Variants in BCAS3 observed in about 807,000 individuals in gnomAD.
The protein encoded by BCAS3 is BCAS3 microtubule associated cell migration factor.
A neutral mutation model predicts 116.1 loss-of-function variants in BCAS3; 53 were observed. That is an observed-to-expected ratio of 0.46 (90% CI 0.37 to 0.57). The LOEUF (loss-of-function observed/expected upper bound fraction) is 0.57. BCAS3 is among the 20% of genes least tolerant of loss of function. BCAS3 has a pLI of 0.00. For missense variants in BCAS3, 917 were observed against 1,165.4 expected (o/e 0.79, Z 3.10); for synonymous variants, 391 against 408.2 (o/e 0.96, Z 0.51).
Position 61,078,329 on chromosome 17 carries a change from C to T in BCAS3, c.2131-4C>T, listed in dbSNP as rs760424408. 12 of 1,609,524 alleles carry T rather than the reference C, an allele frequency of 7.5e-6. No individual in the cohort carries two copies. Among genetic ancestry groups the T allele is most frequent in the Non-Finnish European group, 1.0e-5 (12 of 1,177,600 alleles). ...TTTAAATCATCATTGCTACTCCATT[C>T]CAGGTTGAAATTGTAACACACACTG... On this transcript the variant is annotated splice_polypyrimidine_tract_variant and splice_region_variant and intron_variant, in intron 20 of 23. Transcript: ENST00000407086.
intron 22 of BCAS3, among the ~76,000 whole-genome samples, chr17:61,329,343 A>ATTATTTTTTTTTT (rs1555831750): frequency 1.5e-5 from 2 of 131,280 alleles, no homozygotes; most frequent in African/African-American, 5.9e-5. Flanking sequence ...TATTATTATT[A>ATTATTTTTTTTTT]TTTTTTTTTT....
At chr17:60,889,890 A>C (rs1329703658) in intron 10 of BCAS3, 119 bp downstream of exon 10, 5 of 920,622 alleles carry the variant, frequency 5.4e-6, no homozygotes, top group Admixed American at 2.6e-5. Context: ...TTACTAGTTC[A>C]TTTGCTTTGG....
chr17:61,184,205 A>T (rs2079635045), intron 22 of BCAS3, among the ~76,000 whole-genome samples: 1 of 152,152 alleles, frequency 6.6e-6, no homozygotes, highest in South Asian at 2.1e-4. Context: ...GTTCATAGTG[A>T]CTTCCTAAGT....
intron 5 of BCAS3, among the ~76,000 whole-genome samples, chr17:60,721,208 A>T (rs1169899621): frequency 1.3e-5 from 2 of 152,112 alleles, no homozygotes; most frequent in Non-Finnish European, 2.9e-5. Context: ...TACACTGGCA[A>T]GCAGAGAGAG....
chr17:60,860,795 G>T (rs1453461989), intron 7 of BCAS3, among the ~76,000 whole-genome samples: 1 of 152,122 alleles, frequency 6.6e-6, no homozygotes. Flanking sequence ...AGATTAGATG[G>T]TTGTAGGTGT....
At chr17:61,169,422 T>A (rs902838817) in intron 22 of BCAS3, among the ~76,000 whole-genome samples, 1 of 152,208 alleles carries the variant, frequency 6.6e-6, no homozygotes, top group Non-Finnish European at 1.5e-5. Context: ...ATAGGATTCT[T>A]TTTCCTTTTC....
At chr17:61,270,554 C>G (rs900569043) in intron 22 of BCAS3, among the ~76,000 whole-genome samples, 7 of 152,148 alleles carry the variant, frequency 4.6e-5, no homozygotes, top group African/African-American at 1.7e-4. Flanking sequence ...GCTGCCTTTT[C>G]ACACTGTTGT....
chr17:60,978,830 T>C (rs2062598574), intron 14 of BCAS3, among the ~76,000 whole-genome samples: 1 of 142,370 alleles, frequency 7.0e-6, no homozygotes, highest in Non-Finnish European at 1.5e-5. Context: ...CGGCGTTATT[T>C]CTGAGGGCTC....
intron 13 of BCAS3, among the ~76,000 whole-genome samples, chr17:60,926,614 C>T (rs1333952934): frequency 6.6e-6 from 1 of 152,048 alleles, no homozygotes; most frequent in Non-Finnish European, 1.5e-5. Flanking sequence ...GAAAAAACAG[C>T]CTGGAAGTTA....
chr17:61,163,309 A>G (rs1003974542), intron 22 of BCAS3, among the ~76,000 whole-genome samples: 1 of 87,990 alleles, frequency 1.1e-5, no homozygotes, highest in Non-Finnish European at 3.3e-5. Context: ...CTGTAGTCCC[A>G]GCTACTGGGG....
At chr17:60,873,173 A>C (rs1417588954) in intron 8 of BCAS3, among the ~76,000 whole-genome samples, 5 of 152,274 alleles carry the variant, frequency 3.3e-5, no homozygotes, top group African/African-American at 1.2e-4. Flanking sequence ...TTCAGAGTAC[A>C]CATACACATA....
intron 4 of BCAS3, among the ~76,000 whole-genome samples, chr17:60,707,046 C>T (rs1269562389): frequency 6.6e-6 from 1 of 151,498 alleles, no homozygotes. Flanking sequence ...GGCTGGAGTG[C>T]AATGGCTTGA....
chr17:60,752,665 C>T (rs1157081537), intron 6 of BCAS3, among the ~76,000 whole-genome samples: 2 of 151,900 alleles, frequency 1.3e-5, no homozygotes, highest in African/African-American at 2.4e-5. Flanking sequence ...CTGCGTGATC[C>T]GCCTGCCTCG....
At chr17:60,916,734 C>G (rs1168120806) in intron 12 of BCAS3, among the ~76,000 whole-genome samples, 1 of 152,040 alleles carries the variant, frequency 6.6e-6, no homozygotes, top group Non-Finnish European at 1.5e-5. Context: ...ATTTATGCTA[C>G]AGTGGACACA....
rs1452731731 is a variant in BCAS3 at position 61,309,734 on chromosome 17, G to A, written c.2426-58593G>A. On this transcript the variant is annotated intron_variant, in intron 22 of 23. Transcript: ENST00000407086. This position sits in a 1 kb window ranked among gnomAD's most constrained non-coding sequence, Gnocchi z 4.6. ...GGGTCTTTGGGATTGCGGAACAGCT[G>A]CTGTGGAAAAGTAGTGGCCTGTTTA... 6.6e-6 allele frequency among the ~76,000 whole-genome samples: 1 copy of A among 152,174 alleles called. No homozygotes were observed. Among genetic ancestry groups the A allele is most frequent in the Admixed American group, 6.5e-5 (1 of 15,282 alleles).
At chr17:60,972,969 G>T (rs1475826395) in intron 14 of BCAS3, among the ~76,000 whole-genome samples, 1 of 152,042 alleles carries the variant, frequency 6.6e-6, no homozygotes, top group Non-Finnish European at 1.5e-5. Context: ...CTTTTTATCC[G>T]AGCATTGCTC....
chr17:61,144,754 C>T lies in BCAS3; in HGVS notation c.2425+60190C>T, dbSNP rs1018015772. 8.5e-5 allele frequency among the ~76,000 whole-genome samples: 13 copies of T among 152,236 alleles called. No homozygotes were observed. Among genetic ancestry groups the T allele is most frequent in the Middle Eastern group, 3.4e-3 (1 of 294 alleles). Reference sequence around the variant, plus strand: ...AAGTCAGCTCTCAGAATTGTTTTTACGGGTTGCTGAGGAAGCTAAAGGTCA... The same window carrying T: ...AAGTCAGCTCTCAGAATTGTTTTTATGGGTTGCTGAGGAAGCTAAAGGTCA... On this transcript the variant is annotated intron_variant, in intron 22 of 23. Coordinates refer to ENST00000407086, the MANE Select transcript of BCAS3 (RefSeq NM_017679.5). This position sits in a 1 kb window ranked among gnomAD's most constrained non-coding sequence, Gnocchi z 5.0.
chr17:61,311,717 AC>A (rs781056302), intron 22 of BCAS3, among the ~76,000 whole-genome samples: 2 of 152,100 alleles, frequency 1.3e-5, no homozygotes, highest in Non-Finnish European at 2.9e-5. Context: ...ACACAGTGAA[AC>A]CCTGTCTCTA....
chr17:60,783,838 A>G (rs9908999), intron 6 of BCAS3, among the ~76,000 whole-genome samples: 21,876 of 152,148 alleles, frequency 0.14, 1,997 homozygotes, highest in African/African-American at 0.27. Context: ...ATAATGCTAC[A>G]GGTTTGATTT....
Sources: allele counts gnomAD v4.1 joint callset (sites outside exome capture counted in the v4.1 genomes callset), GRCh38; gene constraint gnomAD v4.1.1; non-coding constraint Gnocchi (gnomAD v3.1); transcripts MANE v1.5; gene names NCBI Gene and HGNC (gene_info 2026-07-23, HGNC 2026-07-21).